The following SORL1 variants were observed in gnomAD, a reference collection of about 807,000 sequenced individuals.
The protein encoded by SORL1 is sortilin-related receptor.
Under a neutral mutation model 273.7 loss-of-function variants are expected in SORL1, and 127 were observed. The observed-to-expected ratio is 0.46, with a 90% confidence interval of 0.40 to 0.54. SORL1 has a LOEUF of 0.54. Among genes scored for constraint, SORL1 ranks in the 20% least tolerant of loss-of-function variants. The pLI is 0.00. For missense variants in SORL1, 2,494 were observed against 2,846.1 expected (o/e 0.88, Z 2.81); for synonymous variants, 1,031 against 1,067.4 (o/e 0.97, Z 0.66).
chr11:121,608,428 G>A, intron 38 of SORL1: 1 of 458,786 alleles, frequency 2.2e-6, no homozygotes, highest in South Asian at 3.5e-5. Context: ...GATTTCCAAA[G>A]GCCATCATGC....
chr11:121,573,257 A>C (rs959339875), intron 23 of SORL1, among the ~76,000 whole-genome samples: 1 of 152,346 alleles, frequency 6.6e-6, no homozygotes, highest in Admixed American at 6.5e-5. Flanking sequence ...GTTTATCTTC[A>C]TAATAATGCT....
At chr11:121,477,487 C>G (rs555855757) in intron 2 of SORL1, among the ~76,000 whole-genome samples, 273 of 152,346 alleles carry the variant, frequency 1.8e-3, no homozygotes, top group African/African-American at 6.2e-3. Context: ...AACTCAGCCC[C>G]GGTGAGGAGG....
chr11:121,456,718 G>A (rs953331669), intron 1 of SORL1, among the ~76,000 whole-genome samples: 1 of 152,162 alleles, frequency 6.6e-6, no homozygotes, highest in Admixed American at 6.5e-5. Context: ...AAGCCTAACA[G>A]GATTTACAGG....
At chr11:121,478,789 CGT>C (rs1482993678) in intron 3 of SORL1, among the ~76,000 whole-genome samples, 11 of 140,750 alleles carry the variant, frequency 7.8e-5, no homozygotes, top group Non-Finnish European at 1.4e-4. Flanking sequence ...CTTGTGTGCG[CGT>C]GAGTACCTTT....
chr11:121,518,881 G>A (rs1028134258), intron 8 of SORL1, among the ~76,000 whole-genome samples: 1 of 152,104 alleles, frequency 6.6e-6, no homozygotes, highest in Admixed American at 6.5e-5. Context: ...AGCGTTTCTC[G>A]GCTTTATTGT....
In SORL1 at chr11:121,627,799, C is replaced by G; in HGVS notation, c.6577+32C>G. The G allele has an allele frequency of 6.5e-7, 1 of 1,527,212 alleles. No homozygotes were observed. Among genetic ancestry groups the G allele is most frequent in the Non-Finnish European group, 9.0e-7 (1 of 1,108,214 alleles). The allele number at this position is 1,527,212 out of a possible 1,614,324, so 94.6% of individuals were successfully genotyped here. On this transcript the variant is annotated intron_variant, in intron 47 of 47. Transcript: ENST00000260197. The surrounding 1 kb of genome is among the most constrained non-coding windows in gnomAD (Gnocchi z 4.9). ...GGGGCAGGGAGAGTCGGTTCTTCCTCCCAGGGCTGACCCCCACGCAGCCAA... is the reference window on the plus strand; with the variant it reads ...GGGGCAGGGAGAGTCGGTTCTTCCTGCCAGGGCTGACCCCCACGCAGCCAA...
At chr11:121,586,579 A>G (rs551077223) in intron 27 of SORL1, among the ~76,000 whole-genome samples, 15 of 151,908 alleles carry the variant, frequency 9.9e-5, no homozygotes, top group Admixed American at 6.6e-4. Flanking sequence ...AACTTCAGTG[A>G]AAGTTATTGT....
rs952790799 is a variant in SORL1, at chr11:121,632,691, C to G, written c.*3128C>G. Reference sequence around the variant, plus strand: ...TTGGGAGAGCAATAGTATGGTGAGCCCCTTAGAGATGAGCGCCTACTCCTT... The same window carrying G: ...TTGGGAGAGCAATAGTATGGTGAGCGCCTTAGAGATGAGCGCCTACTCCTT... On this transcript the variant is annotated 3_prime_UTR_variant, in exon 48 of 48. Coordinates refer to ENST00000260197, the MANE Select transcript of SORL1 (RefSeq NM_003105.6). 1 of 151,776 alleles carries G rather than the reference C, an allele frequency of 6.6e-6. No individual in the cohort carries two copies. The highest frequency in any genetic ancestry group is 1.5e-5 in the Non-Finnish European group (1 of 68,020). 9.4% of individuals were successfully genotyped at this position (151,776 alleles called of 1,614,324 possible). A position where few individuals can be genotyped will look rare whatever the true frequency, so the allele number is the denominator to read the frequency against.
intron 11 of SORL1, among the ~76,000 whole-genome samples, chr11:121,529,963 A>G (rs1862178645): frequency 6.6e-6 from 1 of 152,028 alleles, no homozygotes; most frequent in African/African-American, 2.4e-5. Context: ...TGGGGGGCTT[A>G]TCTATGTGTA....
intron 5 of SORL1, 146 bp from the exon 6 acceptor site, chr11:121,496,723 G>A: frequency 1.5e-6 from 1 of 649,090 alleles, no homozygotes; most frequent in East Asian, 2.7e-5. Context: ...AGTAACCAAA[G>A]GGATATGTTT....
intron 6 of SORL1, among the ~76,000 whole-genome samples, chr11:121,502,124 CTTTTTT>C (rs57842880): frequency 2.0e-4 from 13 of 65,182 alleles, no homozygotes; most frequent in South Asian, 7.1e-4. Context: ...TGTGACAATT[CTTTTTT>C]TTTTTTTTTT....
intron 12 of SORL1, among the ~76,000 whole-genome samples, chr11:121,538,088 A>G (rs772646948): frequency 1.1e-4 from 17 of 151,950 alleles, no homozygotes; most frequent in Non-Finnish European, 1.6e-4. Context: ...AGATGTTGAG[A>G]TTTTGTCTTC....
At chr11:121,565,838 G>C (rs1432522786) in intron 21 of SORL1, among the ~76,000 whole-genome samples, 1 of 152,212 alleles carries the variant, frequency 6.6e-6, no homozygotes, top group African/African-American at 2.4e-5. Flanking sequence ...TCTCAAGAGT[G>C]CAGTGGTGGA....
intron 24 of SORL1, 99 bp from the exon 25 acceptor site, chr11:121,577,182 C>G: frequency 7.0e-7 from 1 of 1,418,542 alleles, no homozygotes; most frequent in Non-Finnish European, 9.7e-7. Flanking sequence ...CATTGGTGAT[C>G]ACGGGTCCAT....
At position 121,627,454 on chromosome 11, in the gene SORL1, G is replaced by A; in HGVS notation, c.6365-101G>A. On this transcript the variant is annotated intron_variant, in intron 46 of 47. Transcript: ENST00000260197. This position sits in a 1 kb window ranked among gnomAD's most constrained non-coding sequence, Gnocchi z 4.9. ...CAGACAGGCAGTTTGTGTAGCTGTG[G>A]CTATCGCCCAGCTTTTTTTGGTGGG... 2.3e-6 allele frequency: 2 copies of A among 888,684 alleles called. No individual in the cohort carries two copies. Among genetic ancestry groups the A allele is most frequent in the South Asian group, 2.9e-5 (2 of 68,184 alleles). 55.0% of individuals were successfully genotyped at this position (888,684 alleles called of 1,614,324 possible). A position where few individuals can be genotyped will look rare whatever the true frequency, so the allele number is the denominator to read the frequency against.
rs1862408108 is a variant in SORL1, at chr11:121,545,238, T to A, written c.1865-5T>A. 1.2e-6 allele frequency: 2 copies of A among 1,613,854 alleles called. No individual in the cohort carries two copies. The highest frequency in any genetic ancestry group is 3.3e-5 in the Admixed American group (2 of 60,004). On this transcript the variant is annotated splice_polypyrimidine_tract_variant and splice_region_variant and intron_variant, in intron 13 of 47. Transcript: ENST00000260197. ...ATGCTTCGTGCTGTGTTCCTTTTTC[T>A]TTAGGAGTTCCCTGCACAGAGAATG...
chr11:121,485,444 C>T (rs2134806667), intron 3 of SORL1, among the ~76,000 whole-genome samples: 1 of 152,298 alleles, frequency 6.6e-6, no homozygotes, highest in East Asian at 1.9e-4. Context: ...TCAGTGTCCT[C>T]ATTATTAAAA....
At chr11:121,575,905 G>T (rs1862922244) in intron 24 of SORL1, among the ~76,000 whole-genome samples, 1 of 152,172 alleles carries the variant, frequency 6.6e-6, no homozygotes, top group Admixed American at 6.5e-5. Flanking sequence ...CTCTGTTCAT[G>T]GCTCATTCTT....
At chr11:121,523,990 TTC>T (rs1324895297) in intron 11 of SORL1, among the ~76,000 whole-genome samples, 1 of 152,212 alleles carries the variant, frequency 6.6e-6, no homozygotes, top group Non-Finnish European at 1.5e-5. Context: ...GTCACAAGCC[TTC>T]TCTCACTGTG....
Sources: allele counts gnomAD v4.1 joint callset (sites outside exome capture counted in the v4.1 genomes callset), GRCh38; gene constraint gnomAD v4.1.1; non-coding constraint Gnocchi (gnomAD v3.1); transcripts MANE v1.5; gene names NCBI Gene and HGNC (gene_info 2026-07-23, HGNC 2026-07-21).